ANKRD55: variants seen among roughly 807,000 people sequenced by gnomAD.
The protein encoded by ANKRD55 is ankyrin repeat domain-containing protein 55.
A neutral mutation model predicts 60.6 loss-of-function variants in ANKRD55; 41 were observed. That is an observed-to-expected ratio of 0.68 (90% CI 0.53 to 0.88). The LOEUF is 0.88. ANKRD55 is among the 40% of genes least tolerant of loss of function. The pLI is 0.00. For missense variants in ANKRD55, 732 were observed against 767.6 expected (o/e 0.95, Z 0.55); for synonymous variants, 264 against 290.3 (o/e 0.91, Z 0.92).
At position 56,127,067 on chromosome 5, in the gene ANKRD55, G is replaced by C; in HGVS notation, c.652C>G (p.His218Asp). ...RILCSIILSH[H>D]QGPSIINYDD... ...TAGTTGATTATGGACGGCCCCTGGTGATGGCTCAGAATGATGGAGCACAGA... is the reference window on the plus strand; with the variant it reads ...TAGTTGATTATGGACGGCCCCTGGTCATGGCTCAGAATGATGGAGCACAGA... The change falls in exon 8 of 12, where the codon CAC (histidine) becomes GAC (aspartate). Residue 218 changes from histidine (H) to aspartate (D), a missense_variant. His to Asp is a moderately conservative substitution (Grantham distance 81). This residue lies in a region of ANKRD55 where 597 missense variants were observed against 607.5 expected (regional missense o/e 0.98). Coordinates refer to ENST00000341048, the MANE Select transcript of ANKRD55 (RefSeq NM_024669.3). 2.5e-6 allele frequency: 4 copies of C among 1,613,464 alleles called. No homozygotes were observed. Among genetic ancestry groups the C allele is most frequent in the Non-Finnish European group, 3.4e-6 (4 of 1,179,712 alleles).
At chr5:56,210,455 A>C (rs1028359588) in intron 2 of ANKRD55, among the ~76,000 whole-genome samples, 1 of 149,602 alleles carries the variant, frequency 6.7e-6, no homozygotes, top group South Asian at 2.2e-4. Flanking sequence ...CCAGCTACTC[A>C]GGAGGCTGAG....
At chr5:56,184,575 C>A (rs1758926219) in intron 2 of ANKRD55, among the ~76,000 whole-genome samples, 1 of 152,208 alleles carries the variant, frequency 6.6e-6, no homozygotes, top group Admixed American at 6.5e-5. Flanking sequence ...ATGCCTTGTG[C>A]ATGCCTGAAC....
At chr5:56,227,446 C>A (rs183550315) in intron 2 of ANKRD55, among the ~76,000 whole-genome samples, 79 of 152,060 alleles carry the variant, frequency 5.2e-4, no homozygotes, top group African/African-American at 1.8e-3. Flanking sequence ...ATGTAACAAA[C>A]CTACACACTG....
intron 3 of ANKRD55, among the ~76,000 whole-genome samples, chr5:56,183,231 A>G (rs1758887789): frequency 6.6e-6 from 1 of 152,190 alleles, no homozygotes. Context: ...TTTGCCTTTT[A>G]CAGTTACATT....
intron 5 of ANKRD55, among the ~76,000 whole-genome samples, chr5:56,164,241 T>C (rs1758397446): frequency 6.6e-6 from 1 of 152,158 alleles, no homozygotes; most frequent in Non-Finnish European, 1.5e-5. Flanking sequence ...TGGGGACAAC[T>C]CATCCCTATG....
chr5:56,203,980 C>A (rs1014735151), intron 2 of ANKRD55, among the ~76,000 whole-genome samples: 1 of 152,152 alleles, frequency 6.6e-6, no homozygotes, highest in Non-Finnish European at 1.5e-5. Flanking sequence ...TATTTCTCCA[C>A]ATCCTCTCCA....
intron 2 of ANKRD55, chr5:56,193,436 G>T (rs1759156955): frequency 3.7e-6 from 2 of 543,292 alleles, no homozygotes; most frequent in Non-Finnish European, 6.7e-6. Context: ...CCTGTAGAGG[G>T]TCCTGGTTGC....
At chr5:56,101,063 C>A (rs1349972764) in intron 11 of ANKRD55, among the ~76,000 whole-genome samples, 1 of 152,188 alleles carries the variant, frequency 6.6e-6, no homozygotes, top group African/African-American at 2.4e-5. Context: ...TTGGACATAT[C>A]CCTCTACCTC....
intron 7 of ANKRD55, chr5:56,127,718 A>C: frequency 3.3e-6 from 1 of 299,922 alleles, no homozygotes; most frequent in Non-Finnish European, 4.9e-6. Context: ...TAAAGTGAGA[A>C]TTTCCAGATG....
intron 2 of ANKRD55, 111 bp downstream of exon 2, chr5:56,232,745 A>AACACAC (rs142447793): frequency 0.05 from 43,462 of 869,452 alleles, 1,029 homozygotes; most frequent in African/African-American, 0.18. Context: ...CACGCACATG[A>AACACAC]ACACACACAC....
At chr5:56,107,253 A>G (rs1756508840) in intron 10 of ANKRD55, among the ~76,000 whole-genome samples, 1 of 152,096 alleles carries the variant, frequency 6.6e-6, no homozygotes, top group South Asian at 2.1e-4. Flanking sequence ...TCTTATCATG[A>G]CTCAGTTGCC....
chr5:56,104,504 G>A (rs950247248), intron 10 of ANKRD55, among the ~76,000 whole-genome samples: 1 of 152,130 alleles, frequency 6.6e-6, no homozygotes, highest in Admixed American at 6.5e-5. Context: ...TCAGGGACAG[G>A]GTGGAGCCGT....
chr5:56,227,159 TA>T (rs1273363358), intron 2 of ANKRD55, among the ~76,000 whole-genome samples: 2 of 151,752 alleles, frequency 1.3e-5, no homozygotes, highest in Non-Finnish European at 2.9e-5. Context: ...TATGCAGCCA[TA>T]AAAAAGGATG....
chr5:56,131,205 T>C (rs1373134874), intron 7 of ANKRD55, among the ~76,000 whole-genome samples: 1 of 151,376 alleles, frequency 6.6e-6, no homozygotes, highest in African/African-American at 2.4e-5. Context: ...CTAGGCATAT[T>C]ATTTTCCAAT....
chr5:56,212,385 A>G (rs1463990884), intron 2 of ANKRD55, among the ~76,000 whole-genome samples: 1 of 152,240 alleles, frequency 6.6e-6, no homozygotes, highest in African/African-American at 2.4e-5. Context: ...AACCAGTTGC[A>G]AACATTATAC....
intron 6 of ANKRD55, among the ~76,000 whole-genome samples, chr5:56,158,639 G>A (rs185477171): frequency 6.6e-6 from 1 of 152,286 alleles, no homozygotes; most frequent in Admixed American, 6.5e-5. Flanking sequence ...ATAATGTGAT[G>A]TCTGGAGCAG....
At chr5:56,151,143 T>A (rs13153909) in intron 6 of ANKRD55, among the ~76,000 whole-genome samples, 105,914 of 152,096 alleles carry the variant, frequency 0.7, 37,289 homozygotes, top group African/African-American at 0.78. Flanking sequence ...CAGGTGTGAG[T>A]CACTGCACCC....
intron 10 of ANKRD55, among the ~76,000 whole-genome samples, chr5:56,108,835 G>A (rs762800916): frequency 6.6e-6 from 1 of 152,118 alleles, no homozygotes; most frequent in African/African-American, 2.4e-5. Flanking sequence ...TCAGGAGTTC[G>A]AGACCAGCCT....
intron 6 of ANKRD55, among the ~76,000 whole-genome samples, chr5:56,146,163 G>T (rs1483707524): frequency 6.6e-6 from 1 of 152,156 alleles, no homozygotes; most frequent in African/African-American, 2.4e-5. Flanking sequence ...TGGAGCGTAA[G>T]TTGCATGAGA....
Sources: gnomAD v4.1 joint callset for allele counts (sites outside exome capture counted in the v4.1 genomes callset) on GRCh38, gnomAD v4.1.1 for gene constraint, gnomAD v4.1.1 regional missense constraint, MANE v1.5 for transcripts, NCBI Gene and HGNC (gene_info 2026-07-23, HGNC 2026-07-21) for gene names.